The following TMC1 variants were observed in gnomAD, a reference collection of about 807,000 sequenced individuals.
The protein encoded by TMC1 is transmembrane channel like 1, also known as transmembrane channel-like protein 1.
Under a neutral mutation model 105.8 loss-of-function variants are expected in TMC1, and 84 were observed. That is an observed-to-expected ratio of 0.79 (90% CI 0.67 to 0.95). The LOEUF is 0.95. TMC1 is among the 40% of genes least tolerant of loss of function. The probability of loss-of-function intolerance (pLI) is 0.00; values close to 1 mark genes in which losing one functional copy is unlikely to be tolerated. For missense variants in TMC1, 817 were observed against 914.1 expected (o/e 0.89, Z 1.37); for synonymous variants, 315 against 311.5 (o/e 1.01, Z -0.12).
intron 12 of TMC1, among the ~76,000 whole-genome samples, chr9:72,758,036 T>TTA (rs1827699593): frequency 6.6e-6 from 1 of 152,216 alleles, no homozygotes. Flanking sequence ...AGCAATAGGA[T>TTA]TATATAGTCA....
chr9:72,709,089 G>T (rs1276512186), intron 8 of TMC1, among the ~76,000 whole-genome samples: 2 of 151,586 alleles, frequency 1.3e-5, no homozygotes, highest in African/African-American at 4.8e-5. Flanking sequence ...AGAGGGAGGG[G>T]GATCCTCTCT....
chr9:72,730,234 C>T (rs887501238), intron 8 of TMC1, among the ~76,000 whole-genome samples: 1 of 151,898 alleles, frequency 6.6e-6, no homozygotes, highest in African/African-American at 2.4e-5. Context: ...TTTTTATGGC[C>T]GGCTTTGGGG....
chr9:72,789,240 A>G lies in TMC1; in HGVS notation c.1147A>G (p.Ile383Val), dbSNP rs1420431206. The change falls in exon 15 of 24, where the codon ATC becomes GTC. Residue 383 changes from isoleucine (I) to valine (V), a missense_variant. Coordinates refer to ENST00000297784, the MANE Select transcript of TMC1 (RefSeq NM_138691.3). ...FLTLGGSGYL[I>V]FWAVKRSQEF... Reference sequence around the variant, plus strand: ...AACACTTGGAGGGAGTGGATACCTCATCTTTTGGGCTGTGAAGCGATCCCA... The same window carrying G: ...AACACTTGGAGGGAGTGGATACCTCGTCTTTTGGGCTGTGAAGCGATCCCA... 2 of 1,614,064 alleles carry G rather than the reference A, an allele frequency of 1.2e-6. No individual in the cohort carries two copies. Among genetic ancestry groups the G allele is most frequent in the Non-Finnish European group, 1.7e-6 (2 of 1,179,938 alleles).
intron 4 of TMC1, among the ~76,000 whole-genome samples, chr9:72,647,238 G>A (rs1456300636): frequency 6.7e-6 from 1 of 149,978 alleles, no homozygotes; most frequent in East Asian, 1.9e-4. Flanking sequence ...CTCTTTTAAT[G>A]AATAGAAATT....
intron 5 of TMC1, among the ~76,000 whole-genome samples, chr9:72,659,595 C>T (rs984756462): frequency 1.3e-5 from 2 of 152,342 alleles, no homozygotes; most frequent in African/African-American, 4.8e-5. Context: ...GATTGCACCA[C>T]TGCACTCCCG....
intron 1 of TMC1, among the ~76,000 whole-genome samples, chr9:72,534,563 A>G (rs924116064): frequency 2.6e-5 from 4 of 152,250 alleles, no homozygotes; most frequent in Non-Finnish European, 5.9e-5. Context: ...TAAAATTTGT[A>G]TTTGGTATCT....
intron 8 of TMC1, among the ~76,000 whole-genome samples, chr9:72,725,333 A>G (rs1216020552): frequency 0.021 from 1,798 of 87,060 alleles, 51 homozygotes; most frequent in African/African-American, 0.084. Context: ...ATGTATATAT[A>G]TATATATATA....
chr9:72,610,486 A>G (rs575494573), intron 2 of TMC1, among the ~76,000 whole-genome samples: 110 of 152,286 alleles, frequency 7.2e-4, no homozygotes, highest in African/African-American at 2.4e-3. Flanking sequence ...GAAGAAGCCA[A>G]TGTTTCAGTT....
chr9:72,630,600 A>T (rs968651479), intron 4 of TMC1, among the ~76,000 whole-genome samples: 1 of 152,206 alleles, frequency 6.6e-6, no homozygotes, highest in African/African-American at 2.4e-5. Flanking sequence ...TTTATGAATA[A>T]CATTCCAGAT....
chr9:72,591,898 CATT>C (rs1450995257), intron 2 of TMC1, among the ~76,000 whole-genome samples: 1 of 152,086 alleles, frequency 6.6e-6, no homozygotes, highest in Non-Finnish European at 1.5e-5. Context: ...ATCTGGGTAT[CATT>C]GATTTAGTAG....
intron 18 of TMC1, among the ~76,000 whole-genome samples, chr9:72,809,958 TGA>T (rs35770251): frequency 0.067 from 10,146 of 150,648 alleles, 384 homozygotes; most frequent in African/African-American, 0.1. Context: ...TGTGTGTGTG[TGA>T]GAGAGAGAGA....
At chr9:72,736,740 T>C (rs1827304975) in intron 8 of TMC1, among the ~76,000 whole-genome samples, 1 of 152,218 alleles carries the variant, frequency 6.6e-6, no homozygotes, top group Non-Finnish European at 1.5e-5. Context: ...AAATTCTTGA[T>C]GCCAAATAAC....
At chr9:72,764,514 G>A (rs1016560644) in intron 12 of TMC1, among the ~76,000 whole-genome samples, 4 of 152,128 alleles carry the variant, frequency 2.6e-5, no homozygotes, top group Admixed American at 2.6e-4. Context: ...CAATTAGACA[G>A]TAGGAAAAAT....
intron 2 of TMC1, among the ~76,000 whole-genome samples, chr9:72,610,762 C>T (rs938881820): frequency 1.2e-4 from 19 of 152,202 alleles, no homozygotes; most frequent in African/African-American, 4.6e-4. Flanking sequence ...ACCATAAAGA[C>T]TAAAGCCTGT....
intron 5 of TMC1, among the ~76,000 whole-genome samples, chr9:72,655,005 C>T (rs1293636622): frequency 6.6e-6 from 1 of 152,140 alleles, no homozygotes; most frequent in East Asian, 1.9e-4. Context: ...TAAATCTTAT[C>T]TTGAATTGTA....
chr9:72,737,627 C>G (rs1827322191), intron 8 of TMC1, among the ~76,000 whole-genome samples: 1 of 152,070 alleles, frequency 6.6e-6, no homozygotes, highest in Non-Finnish European at 1.5e-5. Flanking sequence ...GGATTAGAAC[C>G]CAACTTGCTT....
chr9:72,778,924 C>G (rs149442322), intron 13 of TMC1, among the ~76,000 whole-genome samples: 265 of 152,332 alleles, frequency 1.7e-3, no homozygotes, highest in African/African-American at 5.9e-3. Context: ...CAGCCTCCCC[C>G]CTCTGCTTTG....
chr9:72,710,328 G>A (rs1826814991), intron 8 of TMC1, among the ~76,000 whole-genome samples: 1 of 152,090 alleles, frequency 6.6e-6, no homozygotes, highest in South Asian at 2.1e-4. Flanking sequence ...TGTGGTTGTT[G>A]GGTAGAATAT....
At chr9:72,600,073 C>T (rs1376975761) in intron 2 of TMC1, among the ~76,000 whole-genome samples, 2 of 152,124 alleles carry the variant, frequency 1.3e-5, no homozygotes, top group African/African-American at 2.4e-5. Flanking sequence ...TGTAGTAGGT[C>T]GACGGGGCCC....
Sources: gnomAD v4.1 joint callset for allele counts (sites outside exome capture counted in the v4.1 genomes callset) on GRCh38, gnomAD v4.1.1 for gene constraint, MANE v1.5 for transcripts, NCBI Gene and HGNC (gene_info 2026-07-23, HGNC 2026-07-21) for gene names.